The following SLC35F3 variants were observed in gnomAD, a reference collection of about 807,000 sequenced individuals.
SLC35F3 encodes solute carrier family 35 member F3.
In SLC35F3, 25 loss-of-function variants were observed where a neutral mutation model predicts 49.9. That is an observed-to-expected ratio of 0.50 (90% CI 0.37 to 0.70). SLC35F3 has a LOEUF of 0.70. SLC35F3 is among the 30% of genes least tolerant of loss of function. The pLI is 0.00. For missense variants in SLC35F3, 525 were observed against 639.8 expected, an observed-to-expected ratio of 0.82 and a Z score of 1.94; for synonymous variants, 275 against 265.4, an observed-to-expected ratio of 1.04 and a Z score of -0.35.
At chr1:234,085,926 A>G (rs1664953152) in intron 2 of SLC35F3, among the ~76,000 whole-genome samples, 1 of 152,234 alleles carries the variant, frequency 6.6e-6, no homozygotes, top group South Asian at 2.1e-4. Context: ...GATATTAGGC[A>G]TAACTATTAG....
chr1:233,944,312 G>T (rs1662478997), intron 2 of SLC35F3, among the ~76,000 whole-genome samples: 1 of 152,142 alleles, frequency 6.6e-6, no homozygotes, highest in Non-Finnish European at 1.5e-5. Flanking sequence ...AGCCTTCTCA[G>T]TTGAACACTT....
intron 3 of SLC35F3, among the ~76,000 whole-genome samples, chr1:234,279,942 CAGAT>C (rs1668277040): frequency 6.6e-6 from 1 of 152,182 alleles, no homozygotes; most frequent in Non-Finnish European, 1.5e-5. Context: ...GGCAGCATAT[CAGAT>C]AGGATAACTC....
At chr1:234,285,118 A>G (rs1444081674) in intron 3 of SLC35F3, 5 of 276,394 alleles carry the variant, frequency 1.8e-5, no homozygotes, top group Middle Eastern at 1.3e-3. Flanking sequence ...TCTCCTTGGC[A>G]AACAAAGAAG....
At chr1:234,092,936 T>G (rs1032924618) in intron 2 of SLC35F3, among the ~76,000 whole-genome samples, 2 of 152,194 alleles carry the variant, frequency 1.3e-5, no homozygotes, top group African/African-American at 2.4e-5. Flanking sequence ...GAAACATCTC[T>G]ACTCTCCAGT....
chr1:234,166,788 A>G (rs1666327066), intron 2 of SLC35F3, among the ~76,000 whole-genome samples: 2 of 152,252 alleles, frequency 1.3e-5, no homozygotes, highest in Admixed American at 6.5e-5. Flanking sequence ...CCCTTGGCTT[A>G]CACCAAGGCA....
chr1:234,150,151 C>T (rs935810188), intron 2 of SLC35F3, among the ~76,000 whole-genome samples: 2 of 152,246 alleles, frequency 1.3e-5, no homozygotes, highest in Non-Finnish European at 1.5e-5. Flanking sequence ...TAGATTTATC[C>T]TCTAAAGGTT....
chr1:234,229,157 T>C (rs1382278883), intron 2 of SLC35F3, among the ~76,000 whole-genome samples: 3 of 152,226 alleles, frequency 2.0e-5, no homozygotes, highest in African/African-American at 7.2e-5. Flanking sequence ...CCATTGACCC[T>C]GAATATTCCT....
intron 3 of SLC35F3, among the ~76,000 whole-genome samples, chr1:234,250,632 C>T (rs2677802): frequency 8.3e-5 from 11 of 133,266 alleles, no homozygotes; most frequent in African/African-American, 1.1e-4. Context: ...CCAGCCTGGG[C>T]GACAGAGCGA....
intron 2 of SLC35F3, among the ~76,000 whole-genome samples, chr1:234,087,747 G>T: frequency 6.6e-6 from 1 of 152,052 alleles, no homozygotes; most frequent in East Asian, 1.9e-4. Flanking sequence ...AGTCCCGGGT[G>T]GTCTAACCTC....
At chr1:234,136,851 G>T (rs957846055) in intron 2 of SLC35F3, among the ~76,000 whole-genome samples, 6 of 152,222 alleles carry the variant, frequency 3.9e-5, no homozygotes, top group Admixed American at 3.9e-4. Flanking sequence ...TCAGAGATCA[G>T]TCTTCCAGTG....
intron 3 of SLC35F3, among the ~76,000 whole-genome samples, chr1:234,236,201 T>C (rs1298087423): frequency 2.6e-5 from 4 of 151,952 alleles, no homozygotes; most frequent in African/African-American, 9.7e-5. Flanking sequence ...AGCACTTTGG[T>C]GGGCTGAGGA....
At chr1:234,191,837 A>G (rs769133452) in intron 2 of SLC35F3, among the ~76,000 whole-genome samples, 6 of 152,194 alleles carry the variant, frequency 3.9e-5, no homozygotes, top group Non-Finnish European at 8.8e-5. Flanking sequence ...CTTTACACAC[A>G]TAAACTAGAA....
intron 2 of SLC35F3, among the ~76,000 whole-genome samples, chr1:233,980,161 G>A (rs1663157518): frequency 6.6e-6 from 1 of 152,204 alleles, no homozygotes; most frequent in Admixed American, 6.5e-5. Context: ...TGCCCTTGAA[G>A]GATGAGGAGG....
chr1:234,053,462 G>C (rs1664408363), intron 2 of SLC35F3, among the ~76,000 whole-genome samples: 1 of 152,112 alleles, frequency 6.6e-6, no homozygotes, highest in Admixed American at 6.6e-5. Flanking sequence ...TGCAACCCCT[G>C]CTTTTTTTGT....
At chr1:234,226,640 C>T (rs1308552092) in intron 2 of SLC35F3, among the ~76,000 whole-genome samples, 1 of 151,836 alleles carries the variant, frequency 6.6e-6, no homozygotes, top group East Asian at 1.9e-4. Flanking sequence ...CCTTGGTACC[C>T]GAATGAGTTG....
intron 2 of SLC35F3, among the ~76,000 whole-genome samples, chr1:234,001,131 C>CCTAT (rs372569972): frequency 9.9e-4 from 151 of 152,298 alleles, no homozygotes; most frequent in African/African-American, 3.5e-3. Context: ...AGGGATGATG[C>CCTAT]CTATGGCTGG....
chr1:233,938,271 G>A (rs1662364931), intron 2 of SLC35F3, among the ~76,000 whole-genome samples: 2 of 152,206 alleles, frequency 1.3e-5, no homozygotes, highest in African/African-American at 2.4e-5. Context: ...GCCTGCAGCT[G>A]TGAAAGCTAG....
At position 234,214,296 on chromosome 1, in the gene SLC35F3, G is replaced by T. The variant is rs1558262498; in HGVS notation, c.284-17121G>T. 1 of 1,287,220 alleles carries T rather than the reference G, an allele frequency of 7.8e-7. No individual in the cohort carries two copies. The allele number at this position is 1,287,220 out of a possible 1,614,324, so 79.7% of individuals were successfully genotyped here. On this transcript the variant is annotated intron_variant, in intron 2 of 7. Transcript: ENST00000366618. This position sits in a 1 kb window ranked among gnomAD's most constrained non-coding sequence, Gnocchi z 8.0. ...GGCTGCGCGGCCGGGGAGGATGTGC[G>T]CTGCAGGGCGGCCGCCGCAGTGAGC...
chr1:234,200,803 T>C (rs925675463), intron 2 of SLC35F3, among the ~76,000 whole-genome samples: 5 of 152,216 alleles, frequency 3.3e-5, no homozygotes, highest in Admixed American at 3.3e-4. Context: ...ACTCTCGGCT[T>C]CATTGCAGCT....
Sources: gnomAD v4.1 joint callset for allele counts (sites outside exome capture counted in the v4.1 genomes callset) on GRCh38, gnomAD v4.1.1 for gene constraint, Gnocchi (gnomAD v3.1) non-coding constraint, MANE v1.5 for transcripts, NCBI Gene and HGNC (gene_info 2026-07-23, HGNC 2026-07-21) for gene names.